SHANK2: variants seen among roughly 807,000 people sequenced by gnomAD.
SHANK2 encodes SH3 and multiple ankyrin repeat domains protein 2.
A neutral mutation model predicts 133.7 loss-of-function variants in SHANK2; 43 were observed. The ratio of observed to expected loss-of-function variants is 0.32; its 90% CI spans 0.25 to 0.41. SHANK2 has a LOEUF of 0.41. Among genes scored for constraint, SHANK2 ranks in the 10% least tolerant of loss-of-function variants. SHANK2 has a pLI of 1.00. For synonymous variants in SHANK2, 1,017 were observed against 952.8 expected, an observed-to-expected ratio of 1.07 and a Z score of -1.24; for missense variants, 1,994 against 2,235.8, an observed-to-expected ratio of 0.89 and a Z score of 2.18.
intron 14 of SHANK2, among the ~76,000 whole-genome samples, chr11:70,740,375 T>G (rs1946498854): frequency 6.6e-6 from 1 of 152,166 alleles, no homozygotes. Flanking sequence ...GACAAATAAA[T>G]GCCAGCCCGT....
chr11:71,109,832 A>T (rs1471142401), intron 6 of SHANK2, 109 bp downstream of exon 6: 12 of 742,224 alleles, frequency 1.6e-5, no homozygotes, highest in Non-Finnish European at 2.8e-5. Flanking sequence ...CACCAAACAA[A>T]ACCAAGTAAA....
chr11:71,063,999 AC>A (rs1295013165), intron 9 of SHANK2, among the ~76,000 whole-genome samples: 4 of 150,872 alleles, frequency 2.7e-5, no homozygotes, highest in East Asian at 3.9e-4. Flanking sequence ...CAGCTGCTGG[AC>A]CCCCAGACCC....
intron 1 of SHANK2, among the ~76,000 whole-genome samples, chr11:71,245,574 G>A (rs1386457394): frequency 1.3e-5 from 2 of 152,230 alleles, no homozygotes; most frequent in African/African-American, 4.8e-5. Context: ...CCACCCAGGA[G>A]GCAATCTGGA....
At chr11:70,645,802 C>T (rs183870817) in intron 17 of SHANK2, among the ~76,000 whole-genome samples, 2 of 150,906 alleles carry the variant, frequency 1.3e-5, no homozygotes, top group Non-Finnish European at 3.0e-5. Context: ...GGCCAGGACC[C>T]CCGAGAACCC....
At chr11:70,551,660 C>A (rs185992543) in intron 17 of SHANK2, among the ~76,000 whole-genome samples, 1 of 152,218 alleles carries the variant, frequency 6.6e-6, no homozygotes, top group East Asian at 1.9e-4. Flanking sequence ...TACAACGATG[C>A]GCTAGTTACG....
At chr11:70,544,646 G>C (rs984272037) in intron 17 of SHANK2, among the ~76,000 whole-genome samples, 4 of 152,234 alleles carry the variant, frequency 2.6e-5, no homozygotes, top group Non-Finnish European at 5.9e-5. Context: ...CCAGCAGATG[G>C]ACTTGGGACC....
Position 70,882,603 on chromosome 11 carries a change from C to T in SHANK2, c.1174+13898G>A, listed in dbSNP as rs1555072633. Among the ~76,000 whole-genome samples, 1 of 152,114 alleles carries T rather than the reference C, an allele frequency of 6.6e-6. No individual in the cohort carries two copies. Among genetic ancestry groups the T allele is most frequent in the Non-Finnish European group, 1.5e-5 (1 of 68,016 alleles). ...CTGGGCTAGTCTGTGCAGAAGCAGG[C>T]TTAGGTCAGAGGTAGGGCAGACCCC... On this transcript the variant is annotated intron_variant, in intron 11 of 25. Coordinates refer to ENST00000601538, the MANE Select transcript of SHANK2 (RefSeq NM_012309.5). The surrounding 1 kb of genome is among the most constrained non-coding windows in gnomAD (Gnocchi z 4.2).
intron 12 of SHANK2, among the ~76,000 whole-genome samples, chr11:70,819,951 G>C (rs1019945870): frequency 2.0e-5 from 3 of 152,178 alleles, no homozygotes; most frequent in Non-Finnish European, 4.4e-5. Flanking sequence ...GTGTTTGCAG[G>C]CTTGCAAACA....
At chr11:70,684,816 G>C (rs922475722) in intron 15 of SHANK2, among the ~76,000 whole-genome samples, 1 of 151,996 alleles carries the variant, frequency 6.6e-6, no homozygotes, top group African/African-American at 2.4e-5. Flanking sequence ...CTGTCTGACC[G>C]GCTGCAGCCC....
chr11:70,827,688 AAAACACACACACACAC>A (rs1948665307), intron 11 of SHANK2, among the ~76,000 whole-genome samples: 1 of 34,870 alleles, frequency 2.9e-5, no homozygotes, highest in African/African-American at 1.0e-4. Flanking sequence ...TCAGAAATTT[AAAACACACACACACAC>A]ACACACACAC....
At chr11:70,816,571 C>T (rs1383659245) in intron 12 of SHANK2, among the ~76,000 whole-genome samples, 4 of 152,204 alleles carry the variant, frequency 2.6e-5, no homozygotes, top group Admixed American at 1.3e-4. Flanking sequence ...GGCCAGGGCC[C>T]GTTGCCCTAG....
intron 17 of SHANK2, among the ~76,000 whole-genome samples, chr11:70,571,043 A>T (rs1434696731): frequency 6.6e-6 from 1 of 152,112 alleles, no homozygotes; most frequent in Non-Finnish European, 1.5e-5. Context: ...GGCTCAGAAA[A>T]CCACAGCAGC....
At chr11:71,127,894 C>A (rs1952220829) in intron 3 of SHANK2, among the ~76,000 whole-genome samples, 1 of 152,176 alleles carries the variant, frequency 6.6e-6, no homozygotes, top group African/African-American at 2.4e-5. Context: ...AGACATATTC[C>A]CTTTGTTCAG....
At chr11:70,817,299 C>T (rs1053931422) in intron 12 of SHANK2, among the ~76,000 whole-genome samples, 2 of 152,206 alleles carry the variant, frequency 1.3e-5, no homozygotes, top group Non-Finnish European at 2.9e-5. Context: ...CCAGAGGGTT[C>T]CTCCTACAGC....
At chr11:70,824,019 T>A (rs1348242867) in intron 11 of SHANK2, among the ~76,000 whole-genome samples, 5 of 142,478 alleles carry the variant, frequency 3.5e-5, no homozygotes, top group African/African-American at 1.3e-4. Context: ...ACACATGTGG[T>A]GCTGGCAGGT....
intron 15 of SHANK2, among the ~76,000 whole-genome samples, chr11:70,675,838 G>A (rs1944896158): frequency 6.6e-6 from 1 of 152,208 alleles, no homozygotes; most frequent in African/African-American, 2.4e-5. Context: ...CAAAGGCAAA[G>A]CAAGGCCCCA....
chr11:70,604,570 T>G (rs1326757763), intron 17 of SHANK2: 2 of 151,978 alleles, frequency 1.3e-5, no homozygotes, highest in Non-Finnish European at 2.9e-5. Flanking sequence ...GACCTCCTGG[T>G]GAGTGGTTGC....
intron 3 of SHANK2, among the ~76,000 whole-genome samples, chr11:71,120,991 T>G (rs1216201894): frequency 6.6e-6 from 1 of 152,204 alleles, no homozygotes; most frequent in Non-Finnish European, 1.5e-5. Flanking sequence ...CCACCGTCAT[T>G]TGTGGACAGG....
chr11:70,911,203 T>A, intron 10 of SHANK2: 2 of 456,274 alleles, frequency 4.4e-6, no homozygotes, highest in Non-Finnish European at 4.4e-6. Flanking sequence ...GTTGGATGAG[T>A]TTTTTTGTTG....
Sources: gnomAD v4.1 joint callset for allele counts (sites outside exome capture counted in the v4.1 genomes callset) on GRCh38, gnomAD v4.1.1 for gene constraint, Gnocchi (gnomAD v3.1) non-coding constraint, MANE v1.5 for transcripts, NCBI Gene and HGNC (gene_info 2026-07-23, HGNC 2026-07-21) for gene names.